The following CDC123 variants were observed in gnomAD, a reference collection of about 807,000 sequenced individuals.
The protein encoded by CDC123 is cell division cycle 123.
CDC123 carries 37 observed loss-of-function variants against 54.4 expected under a neutral mutation model. That is an observed-to-expected ratio of 0.68 (90% CI 0.52 to 0.89). The LOEUF is 0.89. Ranked by LOEUF, CDC123 falls within the 40% of genes least tolerant of loss-of-function variation. The pLI, the probability that CDC123 is intolerant of heterozygous loss-of-function variation, is 0.00. For missense variants in CDC123, 361 were observed against 412.1 expected (o/e 0.88, Z 1.07); for synonymous variants, 144 against 136.8 (o/e 1.05, Z -0.37).
intron 1 of CDC123, among the ~76,000 whole-genome samples, chr10:12,196,817 C>T (rs1835358414): frequency 6.6e-6 from 1 of 152,154 alleles, no homozygotes; most frequent in Admixed American, 6.5e-5. Context: ...GTTCTCACCA[C>T]AAAAATAACT....
At chr10:12,209,143 C>CT (rs979632970) in intron 2 of CDC123, among the ~76,000 whole-genome samples, 7 of 152,234 alleles carry the variant, frequency 4.6e-5, no homozygotes, top group Admixed American at 6.5e-5. Context: ...GCAATGGAGT[C>CT]TTTTTTTCCC....
chr10:12,219,646 G>A (rs80258528), intron 6 of CDC123, among the ~76,000 whole-genome samples: 1,959 of 150,012 alleles, frequency 0.013, 46 homozygotes, highest in African/African-American at 0.041. Flanking sequence ...CTTAAAATAT[G>A]TTACACTGAA....
intron 2 of CDC123, among the ~76,000 whole-genome samples, chr10:12,205,938 A>G (rs542112418): frequency 1.3e-5 from 2 of 152,150 alleles, no homozygotes; most frequent in South Asian, 4.1e-4. Context: ...AGCTGGGACT[A>G]CAGGTGCCTG....
At chr10:12,238,649 G>T (rs539238221) in intron 10 of CDC123, among the ~76,000 whole-genome samples, 164 bp downstream of exon 10, 1 of 152,174 alleles carries the variant, frequency 6.6e-6, no homozygotes, top group East Asian at 1.9e-4. Flanking sequence ...GCTTAGGCAG[G>T]GAGATCATTT....
chr10:12,239,285 G>A (rs545017398), intron 10 of CDC123, among the ~76,000 whole-genome samples: 126 of 152,222 alleles, frequency 8.3e-4, no homozygotes, highest in African/African-American at 2.9e-3. Context: ...CCATGGTTTA[G>A]GGATTCTTTA....
intron 6 of CDC123, among the ~76,000 whole-genome samples, chr10:12,219,770 C>T (rs953526330): frequency 1.3e-5 from 2 of 151,762 alleles, no homozygotes; most frequent in South Asian, 2.1e-4. Flanking sequence ...CTGCAACCTC[C>T]GCCTCCTGGG....
chr10:12,232,618 T>C (rs1183082672), intron 7 of CDC123, among the ~76,000 whole-genome samples: 2 of 152,138 alleles, frequency 1.3e-5, no homozygotes, highest in African/African-American at 2.4e-5. Context: ...TGAGATTTTT[T>C]CCCCTCACTT....
intron 1 of CDC123, among the ~76,000 whole-genome samples, chr10:12,196,678 A>T (rs1835355364): frequency 6.6e-6 from 1 of 152,138 alleles, no homozygotes; most frequent in South Asian, 2.1e-4. Context: ...GAGGATGGAG[A>T]TTGGGAAGGT....
chr10:12,226,346 G>A (rs966226390), intron 6 of CDC123, among the ~76,000 whole-genome samples: 1 of 150,178 alleles, frequency 6.7e-6, no homozygotes, highest in Non-Finnish European at 1.5e-5. Context: ...GCGGCTGGCC[G>A]GGCGGGGGCT....
At chr10:12,243,393 A>G (rs1211020853) in intron 10 of CDC123, among the ~76,000 whole-genome samples, 1 of 152,058 alleles carries the variant, frequency 6.6e-6, no homozygotes, top group Non-Finnish European at 1.5e-5. Context: ...AGTGAAAAAA[A>G]AAAAAGGAAA....
intron 6 of CDC123, among the ~76,000 whole-genome samples, chr10:12,220,466 A>G (rs1835720740): frequency 6.6e-6 from 1 of 152,258 alleles, no homozygotes; most frequent in Admixed American, 6.5e-5. Flanking sequence ...TTCTGCTATT[A>G]TAAATAATTG....
intron 1 of CDC123, among the ~76,000 whole-genome samples, chr10:12,196,834 G>A (rs993432905): frequency 1.3e-5 from 2 of 152,182 alleles, no homozygotes; most frequent in African/African-American, 4.8e-5. Flanking sequence ...AACTATGTTA[G>A]GCAATGCATT....
intron 2 of CDC123, among the ~76,000 whole-genome samples, chr10:12,201,654 A>C (rs569380092): frequency 6.6e-6 from 1 of 152,142 alleles, no homozygotes; most frequent in South Asian, 2.1e-4. Context: ...AGGACAGTTA[A>C]GATTAGGGGT....
In CDC123 at chr10:12,237,146, A is replaced by G. The variant is rs780329452; in HGVS notation, c.568A>G (p.Ile190Val). The part of the protein sequence containing the change: ...CFVKENKLIG[I>V]SQRDYTQYYD... ...GATGTAAAATATTTTCTTGTCAGGT[A>G]TTTCTCAAAGAGACTACACACAATA... The change falls in exon 9 of 13, where the codon ATT (isoleucine) becomes GTT (valine). Residue 190 changes from isoleucine (I) to valine (V), a missense_variant and splice_region_variant. Transcript: ENST00000281141. The G allele has an allele frequency of 9.1e-6, 14 of 1,531,294 alleles. No homozygotes were observed. The South Asian group carries it at 1.4e-4, about 16-fold the overall frequency. The allele number at this position is 1,531,294 out of a possible 1,614,324, so 94.9% of individuals were successfully genotyped here.
chr10:12,200,257 G>T (rs1210932121), intron 2 of CDC123, among the ~76,000 whole-genome samples: 1 of 149,336 alleles, frequency 6.7e-6, no homozygotes. Flanking sequence ...CTCCCAACTA[G>T]CTGGGACAAC....
At chr10:12,219,727 C>T (rs1025061543) in intron 6 of CDC123, among the ~76,000 whole-genome samples, 2 of 150,502 alleles carry the variant, frequency 1.3e-5, no homozygotes, top group Admixed American at 6.6e-5. Context: ...CTCTGTCGCC[C>T]AGGCTGGAGT....
At chr10:12,214,561 A>G (rs1457443294) in intron 4 of CDC123, among the ~76,000 whole-genome samples, 1 of 152,212 alleles carries the variant, frequency 6.6e-6, no homozygotes, top group Non-Finnish European at 1.5e-5. Context: ...AACAGAAAGA[A>G]AGGCAGCCTA....
chr10:12,249,847 T>C, intron 12 of CDC123, 129 bp downstream of exon 12: 2 of 1,185,110 alleles, frequency 1.7e-6, no homozygotes, highest in Non-Finnish European at 2.3e-6. Context: ...ACCAAGTTAC[T>C]GAGTTAGAGC....
chr10:12,198,762 G>T lies in CDC123; in HGVS notation c.132G>T (p.Leu44=). The change falls in exon 2 of 13, where the codon CTG becomes CTT. Residue 44 remains leucine, a synonymous_variant. Coordinates refer to ENST00000281141, the MANE Select transcript of CDC123 (RefSeq NM_006023.3). ...VKDYLLDDGT[L]VVSGRDDPPT... is the part of the protein sequence containing the mutation. The stretch of plus-strand genomic sequence containing the variant: ...ATTATTTACTCGATGATGGAACTCT[G>T]GTGGTTTCAGGAAGGTAAAGTATTT... The T allele has an allele frequency of 6.3e-7, 1 of 1,578,850 alleles. No individual in the cohort carries two copies. Among genetic ancestry groups the T allele is most frequent in the Non-Finnish European group, 8.7e-7 (1 of 1,153,894 alleles).
Sources: allele counts gnomAD v4.1 joint callset (sites outside exome capture counted in the v4.1 genomes callset), GRCh38; gene constraint gnomAD v4.1.1; transcripts MANE v1.5; gene names NCBI Gene and HGNC (gene_info 2026-07-23, HGNC 2026-07-21).